The following GTF2IRD1 variants were observed in gnomAD, a reference collection of about 807,000 sequenced individuals.
GTF2IRD1 encodes GTF2I repeat domain containing 1.
A neutral mutation model predicts 113.2 loss-of-function variants in GTF2IRD1; 26 were observed. That is an observed-to-expected ratio of 0.23 (90% CI 0.17 to 0.32). The LOEUF (loss-of-function observed/expected upper bound fraction) is 0.32, where lower values mean the gene tolerates loss of function less well. Among genes scored for constraint, GTF2IRD1 ranks in the 10% least tolerant of loss-of-function variants. The pLI is 1.00. For synonymous variants in GTF2IRD1, 484 were observed against 529.1 expected, an observed-to-expected ratio of 0.91 and a Z score of 1.17; for missense variants, 864 against 1,280.8, an observed-to-expected ratio of 0.67 and a Z score of 4.97.
chr7:74,562,176 T>A (rs1310212923), intron 22 of GTF2IRD1, among the ~76,000 whole-genome samples: 3 of 152,214 alleles, frequency 2.0e-5, no homozygotes, highest in African/African-American at 7.2e-5. Context: ...AAGCCTGGCC[T>A]GGGCCAGCAC....
chr7:74,473,428 CTTTT>C (rs1217283077), intron 1 of GTF2IRD1, among the ~76,000 whole-genome samples: 1 of 141,596 alleles, frequency 7.1e-6, no homozygotes, highest in Non-Finnish European at 1.5e-5. Context: ...CAGCTCAGGG[CTTTT>C]TTTTTTTTTT....
In GTF2IRD1 at chr7:74,589,931, C is replaced by A; in HGVS notation, c.2398+3C>A. 1.9e-6 allele frequency: 3 copies of A among 1,592,602 alleles called. No homozygotes were observed. Among genetic ancestry groups the A allele is most frequent in the South Asian group, 2.2e-5 (2 of 90,586 alleles). ...GGAACTCTTCAACGAGAAATACGGTCAGTGCCTGTGGTCAGGGTCAGCACA... is the reference window on the plus strand; with the variant it reads ...GGAACTCTTCAACGAGAAATACGGTAAGTGCCTGTGGTCAGGGTCAGCACA... On this transcript the variant is annotated splice_donor_region_variant and intron_variant, in intron 23 of 26. Transcript: ENST00000424337.
chr7:74,560,476 TA>T (rs1401829035), intron 22 of GTF2IRD1, among the ~76,000 whole-genome samples: 108 of 146,410 alleles, frequency 7.4e-4, no homozygotes, highest in Middle Eastern at 3.6e-3. Context: ...ATATACATAA[TA>T]AAAAATATAT....
intron 25 of GTF2IRD1, 24 bp downstream of exon 25, chr7:74,595,075 C>A (rs782495519): frequency 6.4e-7 from 1 of 1,560,502 alleles, no homozygotes. Flanking sequence ...GAAGAAGCCA[C>A]CCTTCTGCTC....
chr7:74,511,518 G>C (rs1796628622), intron 2 of GTF2IRD1, among the ~76,000 whole-genome samples: 1 of 152,248 alleles, frequency 6.6e-6, no homozygotes, highest in African/African-American at 2.4e-5. Flanking sequence ...AAAGGGAACA[G>C]CAAGCTTTTG....
At chr7:74,565,293 G>A (rs2130825124) in intron 22 of GTF2IRD1, among the ~76,000 whole-genome samples, 1 of 151,664 alleles carries the variant, frequency 6.6e-6, no homozygotes, top group Non-Finnish European at 1.5e-5. Flanking sequence ...GGGAGGCCAA[G>A]GTGGGTGGAT....
intron 9 of GTF2IRD1, among the ~76,000 whole-genome samples, chr7:74,533,951 C>T (rs1798127906): frequency 6.6e-6 from 1 of 151,912 alleles, no homozygotes; most frequent in South Asian, 2.1e-4. Context: ...ATCGCTTGAA[C>T]CCAGGAGTTC....
intron 22 of GTF2IRD1, among the ~76,000 whole-genome samples, chr7:74,562,703 G>A (rs1554359496): frequency 2.0e-5 from 3 of 151,672 alleles, no homozygotes; most frequent in African/African-American, 7.3e-5. Context: ...GAGTAGCTGA[G>A]ATTATAGGCG....
In GTF2IRD1 at chr7:74,571,919, C is replaced by G. The variant is rs782503751; in HGVS notation, c.2320+12264C>G. Among the ~76,000 whole-genome samples, 7 of 152,140 alleles carry G rather than the reference C, an allele frequency of 4.6e-5. 1 individual carries two copies. The highest frequency in any genetic ancestry group is 8.8e-5 in the Non-Finnish European group (6 of 68,044). On this transcript the variant is annotated intron_variant, in intron 22 of 26. Transcript: ENST00000424337. ...CATTCCACTTACACTCACCTCTCAC[C>G]CCCACCAGAATTGTTTGAGGCCCAT...
intron 17 of GTF2IRD1, among the ~76,000 whole-genome samples, chr7:74,554,238 T>C (rs587687311): frequency 2.0e-3 from 307 of 152,228 alleles, no homozygotes; most frequent in African/African-American, 6.9e-3. Flanking sequence ...CCAGCATGAT[T>C]TTCCCAGTGT....
intron 1 of GTF2IRD1, among the ~76,000 whole-genome samples, chr7:74,483,139 C>T (rs1794835741): frequency 6.6e-6 from 1 of 152,104 alleles, no homozygotes; most frequent in Non-Finnish European, 1.5e-5. Flanking sequence ...CCTAGATGGA[C>T]ATGCAGGTGG....
At chr7:74,544,654 C>T in intron 14 of GTF2IRD1, 101 bp from the exon 15 acceptor site, 5 of 1,171,340 alleles carry the variant, frequency 4.3e-6, no homozygotes, top group African/African-American at 1.5e-5. Context: ...AGAGTTGGGG[C>T]CCCCTGGCCT....
chr7:74,459,064 A>G lies in GTF2IRD1; in HGVS notation c.-7+4888A>G, dbSNP rs549666450. ...TTCCCTTCTCTCTGGGCCAATCTGC[A>G]CCTAGGTTTGTGGCTTCATGAGTAT... On this transcript the variant is annotated intron_variant, in intron 1 of 26. Transcript: ENST00000424337. Among the ~76,000 whole-genome samples, 324 of 152,018 alleles carry G rather than the reference A, an allele frequency of 2.1e-3. 1 individual carries two copies. Among genetic ancestry groups the G allele is most frequent in the African/African-American group, 7.5e-3 (311 of 41,470 alleles).
chr7:74,599,988 T>C (rs1802650470), intron 25 of GTF2IRD1, among the ~76,000 whole-genome samples: 1 of 152,164 alleles, frequency 6.6e-6, no homozygotes, highest in Non-Finnish European at 1.5e-5. Context: ...GAAAGTCCTT[T>C]AACAGCCCTG....
intron 8 of GTF2IRD1, among the ~76,000 whole-genome samples, chr7:74,525,009 C>G (rs1320835490): frequency 6.6e-6 from 1 of 152,130 alleles, no homozygotes; most frequent in African/African-American, 2.4e-5. Context: ...TGCACTCCAG[C>G]CTGGGTGACA....
chr7:74,538,628 C>A, intron 12 of GTF2IRD1, 52 bp from the exon 13 acceptor site: 1 of 1,007,400 alleles, frequency 9.9e-7, no homozygotes, highest in Non-Finnish European at 1.6e-6. Context: ...AGTCACTCTG[C>A]CCAGTCGGGA....
At chr7:74,580,534 G>A (rs1212176178) in intron 22 of GTF2IRD1, among the ~76,000 whole-genome samples, 3 of 152,082 alleles carry the variant, frequency 2.0e-5, no homozygotes, top group African/African-American at 7.2e-5. Flanking sequence ...TTAAAATTGT[G>A]TACATAGCAT....
chr7:74,465,369 T>G (rs2116940714), intron 1 of GTF2IRD1, among the ~76,000 whole-genome samples: 1 of 152,208 alleles, frequency 6.6e-6, no homozygotes, highest in South Asian at 2.1e-4. Flanking sequence ...CAGGGCTCCC[T>G]CACTTCACAG....
At position 74,515,524 on chromosome 7, in the gene GTF2IRD1, T is replaced by A; in HGVS notation, c.349T>A (p.Ser117Thr). The change falls in exon 4 of 27, where the codon TCC becomes ACC. Residue 117 changes from serine (S) to threonine (T), a missense_variant. Ser to Thr is a moderately conservative substitution (Grantham distance 58, BLOSUM62 1). Coordinates refer to ENST00000424337, the MANE Select transcript of GTF2IRD1 (RefSeq NM_005685.4). Reference protein sequence around the residue: ...GEGGGRSLPRSSLEHGSDVYL... With the variant: ...GEGGGRSLPRTSLEHGSDVYL... ...GGGTGGAGGCCGTAGCCTCCCTCGGTCCTCCCTGGAACATGGCTCAGATGT... is the reference window on the plus strand; with the variant it reads ...GGGTGGAGGCCGTAGCCTCCCTCGGACCTCCCTGGAACATGGCTCAGATGT... The A allele has an allele frequency of 6.2e-7, 1 of 1,613,822 alleles. No individual in the cohort carries two copies. Among genetic ancestry groups the A allele is most frequent in the Non-Finnish European group, 8.5e-7 (1 of 1,179,816 alleles).
Sources: allele counts gnomAD v4.1 joint callset (sites outside exome capture counted in the v4.1 genomes callset), GRCh38; gene constraint gnomAD v4.1.1; transcripts MANE v1.5; gene names NCBI Gene and HGNC (gene_info 2026-07-23, HGNC 2026-07-21).